Variants in CSGALNACT1 observed in about 807,000 individuals in gnomAD.
CSGALNACT1 encodes the protein beta4GalNAcT-1.
In CSGALNACT1, 52 loss-of-function variants were observed where a neutral mutation model predicts 51.0. The ratio of observed to expected loss-of-function variants is 1.02; its 90% CI spans 0.82 to 1.29. The LOEUF is 1.29. Among genes scored for constraint, CSGALNACT1 ranks in the 50% most tolerant of loss-of-function variants. The pLI is 0.00. For missense variants in CSGALNACT1, 935 were observed against 679.2 expected, an observed-to-expected ratio of 1.38 and a Z score of -4.19; for synonymous variants, 341 against 254.4, an observed-to-expected ratio of 1.34 and a Z score of -3.24.
chr8:19,427,394 G>T lies in CSGALNACT1; in HGVS notation c.954-6876C>A, dbSNP rs147166312. On this transcript the variant is annotated intron_variant, in intron 6 of 9. Coordinates refer to ENST00000454498, the Ensembl canonical transcript of CSGALNACT1. Reference sequence around the variant, plus strand: ...TTGTGTTTTGAATCGAGAAATCAAAGCCAGCTTCAGCGGGCACCAAACAAA... The same window carrying T: ...TTGTGTTTTGAATCGAGAAATCAAATCCAGCTTCAGCGGGCACCAAACAAA... Among the ~76,000 whole-genome samples, 1,452 of 152,308 alleles carry T rather than the reference G, an allele frequency of 9.5e-3. 22 individuals are homozygous for T. The highest frequency in any genetic ancestry group is 0.033 in the African/African-American group (1,382 of 41,562).
At position 19,448,541 on chromosome 8, in the gene CSGALNACT1, A is replaced by G. The variant is rs560885830; in HGVS notation, c.852-8610T>C. Reference sequence around the variant, plus strand: ...TAATATAATGCAGGATGGAATAACCACGGTAACAGAGGTAAAATGAACTAA... The same window carrying G: ...TAATATAATGCAGGATGGAATAACCGCGGTAACAGAGGTAAAATGAACTAA... On this transcript the variant is annotated intron_variant, in intron 5 of 9. Transcript: ENST00000454498. Among the ~76,000 whole-genome samples the G allele has an allele frequency of 3.3e-5, 5 of 152,292 alleles. No individual in the cohort carries two copies. In the East Asian group the frequency reaches 9.7e-4, roughly 29 times the overall value.
intron 1 of CSGALNACT1, among the ~76,000 whole-genome samples, chr8:19,623,185 G>C (rs1212820624): frequency 6.6e-6 from 1 of 152,088 alleles, no homozygotes; most frequent in Non-Finnish European, 1.5e-5. Context: ...TAGACTTTAA[G>C]GGAAGAACCA....
intron 3 of CSGALNACT1, among the ~76,000 whole-genome samples, chr8:19,576,255 G>C (rs774542598): frequency 5.3e-5 from 8 of 152,126 alleles, no homozygotes; most frequent in Admixed American, 1.3e-4. Context: ...GAGTGCAGTG[G>C]GGTAATCTCA....
intron 3 of CSGALNACT1, among the ~76,000 whole-genome samples, chr8:19,590,350 T>C (rs1482442194): frequency 2.0e-5 from 3 of 152,234 alleles, no homozygotes; most frequent in African/African-American, 7.2e-5. Context: ...TTGGACATCA[T>C]ACAGTCAACA....
upstream of CSGALNACT1, among the ~76,000 whole-genome samples, chr8:19,683,636 A>G (rs529594995): frequency 6.3e-4 from 96 of 152,322 alleles, no homozygotes; most frequent in African/African-American, 2.3e-3. Context: ...AAAATGGAAT[A>G]GACAGACCAT....
At chr8:19,429,693 TAC>T (rs1429732735) in intron 6 of CSGALNACT1, among the ~76,000 whole-genome samples, 9 of 152,264 alleles carry the variant, frequency 5.9e-5, no homozygotes, top group East Asian at 1.9e-4. Flanking sequence ...AACATTCATG[TAC>T]AGTTATTTGT....
At chr8:19,566,500 C>T (rs1312773775) in intron 3 of CSGALNACT1, among the ~76,000 whole-genome samples, 3 of 152,312 alleles carry the variant, frequency 2.0e-5, no homozygotes, top group Non-Finnish European at 4.4e-5. Flanking sequence ...AACCAACACG[C>T]ACACTTAATG....
intron 1 of CSGALNACT1, among the ~76,000 whole-genome samples, chr8:19,725,432 T>C (rs547758460): frequency 1.3e-5 from 2 of 151,092 alleles, no homozygotes; most frequent in African/African-American, 2.4e-5. Context: ...TTTCTTTTTT[T>C]TTTTTTTTTG....
At chr8:19,704,978 T>C (rs2062076339) in intron 1 of CSGALNACT1, among the ~76,000 whole-genome samples, 1 of 152,186 alleles carries the variant, frequency 6.6e-6, no homozygotes, top group Admixed American at 6.5e-5. Context: ...ATGCAAACTT[T>C]CCATTACAAG....
chr8:19,673,563 C>T (rs566538645), intron 1 of CSGALNACT1, among the ~76,000 whole-genome samples: 2 of 152,180 alleles, frequency 1.3e-5, no homozygotes, highest in South Asian at 2.1e-4. Flanking sequence ...GTGAAAGCCA[C>T]GTGTATTTCC....
At chr8:19,532,013 T>G (rs938249784) in intron 3 of CSGALNACT1, 2 of 152,142 alleles carry the variant, frequency 1.3e-5, no homozygotes, top group African/African-American at 2.4e-5. Context: ...GTTGAGTTTT[T>G]CTTTCCTATT....
At chr8:19,688,565 T>C (rs1242829292) in intron 1 of CSGALNACT1, among the ~76,000 whole-genome samples, 1 of 152,200 alleles carries the variant, frequency 6.6e-6, no homozygotes, top group Non-Finnish European at 1.5e-5. Context: ...TTATGTCACA[T>C]ACATGATAGA....
At chr8:19,567,419 C>T (rs1049720758) in intron 3 of CSGALNACT1, among the ~76,000 whole-genome samples, 3 of 152,164 alleles carry the variant, frequency 2.0e-5, no homozygotes, top group African/African-American at 7.2e-5. Context: ...ATTTAAGAGG[C>T]AGTGTGACAG....
intron 1 of CSGALNACT1, among the ~76,000 whole-genome samples, chr8:19,736,216 A>C (rs28683543): frequency 0.15 from 22,114 of 152,206 alleles, 1,752 homozygotes; most frequent in Middle Eastern, 0.18. Flanking sequence ...GGGTCAGAAA[A>C]CTATAGCCCG....
chr8:19,407,905 TTGTGTGTGTGTGTG>T (rs60746708), intron 9 of CSGALNACT1, among the ~76,000 whole-genome samples: 3,826 of 112,770 alleles, frequency 0.034, 201 homozygotes, highest in East Asian at 0.16. Context: ...TGTATATGAA[TTGTGTGTGTGTGTG>T]TGTGTGTGTG....
intron 3 of CSGALNACT1, among the ~76,000 whole-genome samples, chr8:19,513,324 G>C (rs1000203059): frequency 6.6e-6 from 1 of 150,768 alleles, no homozygotes; most frequent in Non-Finnish European, 1.5e-5. Context: ...TGTAACGGAA[G>C]ACACACGAAA....
intron 3 of CSGALNACT1, among the ~76,000 whole-genome samples, chr8:19,561,527 T>G (rs1321556050): frequency 6.8e-6 from 1 of 147,814 alleles, no homozygotes; most frequent in Admixed American, 6.6e-5. Flanking sequence ...CCAGATCCTG[T>G]GAAAAAATTC....
At chr8:19,704,178 T>A (rs1460697140) in intron 1 of CSGALNACT1, among the ~76,000 whole-genome samples, 1 of 152,196 alleles carries the variant, frequency 6.6e-6, no homozygotes, top group Non-Finnish European at 1.5e-5. Flanking sequence ...TCTCTTCCAT[T>A]TCCCCCAGTC....
Position 19,419,699 on chromosome 8 carries a change from G to C in CSGALNACT1, c.1132+641C>G, listed in dbSNP as rs561498363. On this transcript the variant is annotated intron_variant, in intron 7 of 9. Transcript: ENST00000454498. ...TCCTCCCCACCTCGCTTTCTCCTGG[G>C]AATGTTCATGAAAGCTGACCTCCCA... Among the ~76,000 whole-genome samples, 38 of 152,274 alleles carry C rather than the reference G, an allele frequency of 2.5e-4. 1 individual carries two copies. Among genetic ancestry groups the C allele is most frequent in the Middle Eastern group, 3.4e-3 (1 of 294 alleles).
Sources: allele counts gnomAD v4.1 joint callset (sites outside exome capture counted in the v4.1 genomes callset), GRCh38; gene constraint gnomAD v4.1.1; transcripts MANE v1.5; gene names NCBI Gene and HGNC (gene_info 2026-07-23, HGNC 2026-07-21).